ENO2: variants seen among roughly 807,000 people sequenced by gnomAD.
The protein encoded by ENO2 is enolase 2, also known as gamma-enolase.
Under a neutral mutation model 48.7 loss-of-function variants are expected in ENO2, and 19 were observed. The observed-to-expected ratio is 0.39, with a 90% confidence interval of 0.27 to 0.57. The LOEUF is 0.57. ENO2 is among the 20% of genes least tolerant of loss of function. The probability of loss-of-function intolerance (pLI) is 0.58; values close to 1 mark genes in which losing one functional copy is unlikely to be tolerated. For missense variants in ENO2, 416 were observed against 555.0 expected (o/e 0.75, Z 2.52); for synonymous variants, 198 against 213.4 (o/e 0.93, Z 0.63).
chr12:6,916,658 T>A lies in ENO2; in HGVS notation c.182-13T>A. On this transcript the variant is annotated splice_polypyrimidine_tract_variant and intron_variant, in intron 3 of 11. Transcript: ENST00000229277. The surrounding 1 kb of genome is among the most constrained non-coding windows in gnomAD (Gnocchi z 4.5). ...TCCTGGCCCGACCCAGTCCAGCCTC[T>A]TCCTTTCCCCAGGTGTCCTGAAGGC... 1 of 1,614,166 alleles carries A rather than the reference T, an allele frequency of 6.2e-7. No individual in the cohort carries two copies.
In ENO2 at chr12:6,922,505, C is replaced by T; in HGVS notation, c.1235+103C>T. 2.0e-6 allele frequency: 3 copies of T among 1,476,786 alleles called. No individual in the cohort carries two copies. Among genetic ancestry groups the T allele is most frequent in the Non-Finnish European group, 2.8e-6 (3 of 1,058,430 alleles). 91.5% of individuals were successfully genotyped at this position (1,476,786 alleles called of 1,614,324 possible). On this transcript the variant is annotated intron_variant, in intron 11 of 11. Transcript: ENST00000229277. This position sits in a 1 kb window ranked among gnomAD's most constrained non-coding sequence, Gnocchi z 5.3. ...AAGGGCCTGGATAACAGTCCATTTC[C>T]TGGATAACAGTCCAACAGATAATAT...
Position 6,922,406 on chromosome 12 carries a change from A to AG in ENO2, c.1235+7dup. The AG allele has an allele frequency of 6.2e-7, 1 of 1,614,152 alleles. No homozygotes were observed. The stretch of plus-strand genomic sequence containing the variant: ...CTAAATACAACCAGCTCATGAGGTG[A>AG]GGGTCCCTGGGGTGGGAGCCCCTGG... On this transcript the variant is annotated splice_donor_region_variant and intron_variant, in intron 11 of 11. Transcript: ENST00000229277. This position sits in a 1 kb window ranked among gnomAD's most constrained non-coding sequence, Gnocchi z 5.3.
At chr12:6,917,353 G>A (rs1487494312) in intron 5 of ENO2, 4 of 707,370 alleles carry the variant, frequency 5.7e-6, no homozygotes, top group African/African-American at 5.4e-5. Context: ...GTGGTCTCAG[G>A]GATATTTAGA....
rs1485327690 is a variant in ENO2, at chr12:6,923,420, G to A, written c.*620G>A. 68 of 152,300 alleles carry A rather than the reference G, an allele frequency of 4.5e-4. 1 individual carries two copies. The highest frequency in any genetic ancestry group is 4.4e-3 in the Admixed American group (68 of 15,286). 9.4% of individuals were successfully genotyped at this position (152,300 alleles called of 1,614,324 possible). ...TATTTCATGTGGCTGTAGATCCCAA[G>A]ATGACTGGGGTGGGAGGTCTTGCTA... On this transcript the variant is annotated 3_prime_UTR_variant, in exon 12 of 12. Coordinates refer to ENST00000229277, the MANE Select transcript of ENO2 (RefSeq NM_001975.3).
Position 6,917,685 on chromosome 12 carries a change from G to C in ENO2, c.415G>C (p.Gly139Arg), listed in dbSNP as rs1240934130. The C allele has an allele frequency of 1.2e-6, 2 of 1,613,140 alleles. No individual in the cohort carries two copies. Among genetic ancestry groups the C allele is most frequent in the South Asian group, 1.1e-5 (1 of 91,044 alleles). ...PLYRHIAQLA[G>R]NSDLILPVPA... ...GTATCGCCACATTGCTCAGCTGGCCGGGAACTCAGACCTCATCCTGCCTGT... is the reference window on the plus strand; with the variant it reads ...GTATCGCCACATTGCTCAGCTGGCCCGGAACTCAGACCTCATCCTGCCTGT... Residue 139 changes from glycine to arginine, a missense_variant, in exon 6 of 12, where the codon GGG (glycine) becomes CGG (arginine). Physicochemically the swap from Gly to Arg is moderately radical, Grantham distance 125. Coordinates refer to ENST00000229277, the MANE Select transcript of ENO2 (RefSeq NM_001975.3).
intron 7 of ENO2, 76 bp downstream of exon 7, chr12:6,918,238 C>G: frequency 1.3e-6 from 2 of 1,503,142 alleles, no homozygotes; most frequent in East Asian, 2.3e-5. Context: ...CACAGTTCAC[C>G]AAGTCCTGAG....
intron 1 of ENO2, chr12:6,915,366 T>G: frequency 5.5e-6 from 1 of 182,298 alleles, no homozygotes; most frequent in Non-Finnish European, 1.2e-5. Flanking sequence ...GCAGCTGGGG[T>G]GTTAAGTTGG....
Position 6,916,337 on chromosome 12 carries a change from C to A in ENO2, c.86-80C>A. 1 of 1,335,172 alleles carries A rather than the reference C, an allele frequency of 7.5e-7. No homozygotes were observed. Among genetic ancestry groups the A allele is most frequent in the Non-Finnish European group, 1.0e-6 (1 of 966,364 alleles). The allele number at this position is 1,335,172 out of a possible 1,614,324, so 82.7% of individuals were successfully genotyped here. A position where few individuals can be genotyped will look rare whatever the true frequency, so the allele number is the denominator to read the frequency against. On this transcript the variant is annotated intron_variant, in intron 2 of 11. Coordinates refer to ENST00000229277, the MANE Select transcript of ENO2 (RefSeq NM_001975.3). This position sits in a 1 kb window ranked among gnomAD's most constrained non-coding sequence, Gnocchi z 4.5. ...GAGAGAGCTAGATGTGGTAGGCAGG[C>A]AGTTTAGAGCCAGAAGGCTGAAGGA...
In ENO2 at chr12:6,922,698, C is replaced by T. The variant is rs1555142239; in HGVS notation, c.1236-33C>T. ...AGAGAAGCAGGATCCTCCTGCATCC[C>T]TGACCACTTCCTTTGTGGTTCATCT... On this transcript the variant is annotated intron_variant, in intron 11 of 11. Coordinates refer to ENST00000229277, the MANE Select transcript of ENO2 (RefSeq NM_001975.3). This position sits in a 1 kb window ranked among gnomAD's most constrained non-coding sequence, Gnocchi z 5.3. 6.2e-7 allele frequency: 1 copy of T among 1,613,384 alleles called. No homozygotes were observed.
intron 8 of ENO2, among the ~76,000 whole-genome samples, chr12:6,920,932 G>A (rs1224119322): frequency 1.3e-5 from 2 of 150,608 alleles, no homozygotes; most frequent in Non-Finnish European, 3.0e-5. Context: ...GATTACAGGC[G>A]TGCACCACCA....
chr12:6,915,813 C>A lies in ENO2; in HGVS notation c.-12-8C>A, dbSNP rs188073385. The A allele has an allele frequency of 2.8e-4, 459 of 1,613,070 alleles. 3 individuals carry two copies. The African/African-American group carries it at 5.4e-3, about 19-fold the overall frequency. The stretch of plus-strand genomic sequence containing the variant: ...ATCTTTCTCCTTCCTTCCCTTCCAC[C>A]CGAGGAGATCCCAGCCATCATGTCC... On this transcript the variant is annotated splice_polypyrimidine_tract_variant and splice_region_variant and intron_variant, in intron 1 of 11. Coordinates refer to ENST00000229277, the MANE Select transcript of ENO2 (RefSeq NM_001975.3).
intron 1 of ENO2, 180 bp from the exon 2 acceptor site, chr12:6,915,641 A>T: frequency 1.8e-6 from 1 of 569,282 alleles, no homozygotes; most frequent in Non-Finnish European, 3.2e-6. Context: ...TCCTCTTCCC[A>T]GGGGGGAGGG....
At position 6,922,493 on chromosome 12, in the gene ENO2, A is replaced by G; in HGVS notation, c.1235+91A>G. On this transcript the variant is annotated intron_variant, in intron 11 of 11. Transcript: ENST00000229277. This position sits in a 1 kb window ranked among gnomAD's most constrained non-coding sequence, Gnocchi z 5.3. ...ATCTGTAGCACCAAGGGCCTGGATA[A>G]CAGTCCATTTCCTGGATAACAGTCC... is the stretch of plus-strand genomic sequence containing the variant. 2.6e-6 allele frequency: 4 copies of G among 1,521,640 alleles called. No homozygotes were observed. Among genetic ancestry groups the G allele is most frequent in the Non-Finnish European group, 3.6e-6 (4 of 1,097,634 alleles). The allele number at this position is 1,521,640 out of a possible 1,614,324, so 94.3% of individuals were successfully genotyped here.
Position 6,922,593 on chromosome 12 carries a change from A to T in ENO2, c.1236-138A>T. ...ACAAATCCCAGAGATCACATGGGAAAGCCAGGGAATGCTAAGCCTTGGGGC... is the reference window on the plus strand; with the variant it reads ...ACAAATCCCAGAGATCACATGGGAATGCCAGGGAATGCTAAGCCTTGGGGC... On this transcript the variant is annotated intron_variant, in intron 11 of 11. Coordinates refer to ENST00000229277, the MANE Select transcript of ENO2 (RefSeq NM_001975.3). This position sits in a 1 kb window ranked among gnomAD's most constrained non-coding sequence, Gnocchi z 5.3. 1 of 1,294,564 alleles carries T rather than the reference A, an allele frequency of 7.7e-7. No individual in the cohort carries two copies. Among genetic ancestry groups the T allele is most frequent in the Middle Eastern group, 2.5e-4 (1 of 3,934 alleles). 80.2% of individuals were successfully genotyped at this position (1,294,564 alleles called of 1,614,324 possible). A position where few individuals can be genotyped will look rare whatever the true frequency, so the allele number is the denominator to read the frequency against.
chr12:6,916,537 C>T lies in ENO2; in HGVS notation c.181+25C>T. On this transcript the variant is annotated intron_variant, in intron 3 of 11. Transcript: ENST00000229277. The surrounding 1 kb of genome is among the most constrained non-coding windows in gnomAD (Gnocchi z 4.5). ...GGTGAGGTCCCTTCTCTTTTCCAGACTCTCCCCCACCTCAGCCTTATGCCC... is the reference window on the plus strand; with the variant it reads ...GGTGAGGTCCCTTCTCTTTTCCAGATTCTCCCCCACCTCAGCCTTATGCCC... 5 of 1,613,346 alleles carry T rather than the reference C, an allele frequency of 3.1e-6. No homozygotes were observed. The South Asian group carries it at 5.5e-5, about 18-fold the overall frequency.
Position 6,915,989 on chromosome 12 carries a change from C to T in ENO2, c.85+72C>T, listed in dbSNP as rs1945287466. ...GCCAGGCTGGGTTCGGCCAGGGGTT[C>T]GGAGGCCTTTTTTGATACCCAGGGG... is the stretch of plus-strand genomic sequence containing the variant. On this transcript the variant is annotated intron_variant, in intron 2 of 11. Coordinates refer to ENST00000229277, the MANE Select transcript of ENO2 (RefSeq NM_001975.3). 3.2e-6 allele frequency: 5 copies of T among 1,548,838 alleles called. No individual in the cohort carries two copies. The Admixed American group carries it at 5.0e-5, about 16-fold the overall frequency.
At position 6,916,841 on chromosome 12, in the gene ENO2, AG is replaced by A; in HGVS notation, c.240+117del. ...CCCACTCTTAGGAATCATGGTTACA[AG>A]GGGGAAGGGTGGGGAACAGCTTCCT... On this transcript the variant is annotated intron_variant, in intron 4 of 11. Transcript: ENST00000229277. This position sits in a 1 kb window ranked among gnomAD's most constrained non-coding sequence, Gnocchi z 4.5. 1 of 1,482,252 alleles carries A rather than the reference AG, an allele frequency of 6.7e-7. No individual in the cohort carries two copies. The allele number at this position is 1,482,252 out of a possible 1,614,324, so 91.8% of individuals were successfully genotyped here. A position where few individuals can be genotyped will look rare whatever the true frequency, so the allele number is the denominator to read the frequency against.
At position 6,922,689 on chromosome 12, in the gene ENO2, C is replaced by G. The variant is rs1945351590; in HGVS notation, c.1236-42C>G. ...CCCCTAGAGAGAGAAGCAGGATCCTCCTGCATCCCTGACCACTTCCTTTGT... is the reference window on the plus strand; with the variant it reads ...CCCCTAGAGAGAGAAGCAGGATCCTGCTGCATCCCTGACCACTTCCTTTGT... On this transcript the variant is annotated intron_variant, in intron 11 of 11. Coordinates refer to ENST00000229277, the MANE Select transcript of ENO2 (RefSeq NM_001975.3). This position sits in a 1 kb window ranked among gnomAD's most constrained non-coding sequence, Gnocchi z 5.3. The G allele has an allele frequency of 1.2e-6, 2 of 1,611,170 alleles. No individual in the cohort carries two copies. The highest frequency in any genetic ancestry group is 1.3e-5 in the African/African-American group (1 of 74,860).
In ENO2 at chr12:6,922,206, G is replaced by T; in HGVS notation, c.1176+42G>T. 1 of 1,608,378 alleles carries T rather than the reference G, an allele frequency of 6.2e-7. No homozygotes were observed. Among genetic ancestry groups the T allele is most frequent in the Admixed American group, 1.7e-5 (1 of 59,872 alleles). On this transcript the variant is annotated intron_variant, in intron 10 of 11. Transcript: ENST00000229277. The surrounding 1 kb of genome is among the most constrained non-coding windows in gnomAD (Gnocchi z 5.3). Reference sequence around the variant, plus strand: ...GGTGAGTGAAGAGAACTCTCTGTGGGATTGGTATTTCTAGCTCACCCACCT... The same window carrying T: ...GGTGAGTGAAGAGAACTCTCTGTGGTATTGGTATTTCTAGCTCACCCACCT...
Sources: allele counts gnomAD v4.1 joint callset (sites outside exome capture counted in the v4.1 genomes callset), GRCh38; gene constraint gnomAD v4.1.1; non-coding constraint Gnocchi (gnomAD v3.1); transcripts MANE v1.5; gene names NCBI Gene and HGNC (gene_info 2026-07-23, HGNC 2026-07-21).